TENM4: variants seen among roughly 807,000 people sequenced by gnomAD.
TENM4 encodes teneurin transmembrane protein 4, also known as teneurin-4.
TENM4 carries 82 observed loss-of-function variants against 243.3 expected under a neutral mutation model. The observed-to-expected ratio is 0.34, with a 90% confidence interval of 0.28 to 0.40. TENM4 has a LOEUF of 0.40. Ranked by LOEUF, TENM4 falls within the 10% of genes least tolerant of loss-of-function variation. The pLI is 1.00. For missense variants in TENM4, 3,138 were observed against 3,673.3 expected (o/e 0.85, Z 3.77); for synonymous variants, 1,412 against 1,456.3 (o/e 0.97, Z 0.69).
At chr11:79,346,907 C>A (rs532021909) in intron 1 of TENM4, among the ~76,000 whole-genome samples, 2 of 152,168 alleles carry the variant, frequency 1.3e-5, no homozygotes, top group South Asian at 4.1e-4. Flanking sequence ...GTGATCTCTG[C>A]TTTCTCTTAG....
intron 1 of TENM4, among the ~76,000 whole-genome samples, chr11:79,314,484 T>C (rs1856772617): frequency 6.6e-6 from 1 of 152,134 alleles, no homozygotes; most frequent in Non-Finnish European, 1.5e-5. Flanking sequence ...TCCAACCAGC[T>C]CCAGCACAAC....
chr11:78,779,494 T>A (rs1856800914), intron 16 of TENM4, among the ~76,000 whole-genome samples: 1 of 152,240 alleles, frequency 6.6e-6, no homozygotes, highest in African/African-American at 2.4e-5. Flanking sequence ...AAGGTTGCTC[T>A]GAAATAAACC....
At chr11:79,052,729 C>G (rs746629058) in intron 6 of TENM4, among the ~76,000 whole-genome samples, 1 of 152,200 alleles carries the variant, frequency 6.6e-6, no homozygotes, top group Admixed American at 6.5e-5. Flanking sequence ...GCTGGCCTCT[C>G]AGCCAATGGC....
chr11:79,004,607 A>G (rs1357095451), intron 6 of TENM4, among the ~76,000 whole-genome samples: 1 of 152,230 alleles, frequency 6.6e-6, no homozygotes, highest in Non-Finnish European at 1.5e-5. Flanking sequence ...AGCATTGTTA[A>G]GATGAAAGAC....
chr11:78,879,459 G>A (rs61881989), intron 9 of TENM4, among the ~76,000 whole-genome samples: 189 of 119,456 alleles, frequency 1.6e-3, no homozygotes, highest in South Asian at 7.6e-3. Flanking sequence ...GCCTCTGCCC[G>A]GCCGCCACAC....
intron 9 of TENM4, among the ~76,000 whole-genome samples, chr11:78,868,437 T>C (rs530952347): frequency 3.3e-5 from 5 of 152,302 alleles, no homozygotes; most frequent in African/African-American, 1.2e-4. Flanking sequence ...CACGCTGAAA[T>C]GTTAATGATT....
chr11:78,894,260 G>C (rs1855737736), intron 7 of TENM4, among the ~76,000 whole-genome samples: 1 of 152,152 alleles, frequency 6.6e-6, no homozygotes, highest in South Asian at 2.1e-4. Flanking sequence ...GAGGCTGGCT[G>C]CATGGCATGC....
At position 78,669,632 on chromosome 11, in the gene TENM4, C is replaced by G; in HGVS notation, c.6713G>C (p.Arg2238Pro). 1.2e-6 allele frequency: 2 copies of G among 1,613,918 alleles called. No individual in the cohort carries two copies. The highest frequency in any genetic ancestry group is 1.7e-6 in the Non-Finnish European group (2 of 1,179,888). The stretch of plus-strand genomic sequence containing the variant: ...AGTGATGCGGTCGCGGATGTCATAC[C>G]GTAGTGGTGTGAGCCGTGCACTGTT... ...PGNSARLTPL[R>P]YDIRDRITRL... Residue 2238 changes from arginine (R) to proline (P), a missense_variant, in exon 32 of 34, where the codon CGG becomes CCG. By Grantham distance (103) the Arg-to-Pro change is moderately radical. Coordinates refer to ENST00000278550, the MANE Select transcript of TENM4 (RefSeq NM_001098816.3). This position sits in a 1 kb window ranked among gnomAD's most constrained non-coding sequence, Gnocchi z 6.4.
At chr11:79,417,738 T>G (rs1344076482) in intron 1 of TENM4, among the ~76,000 whole-genome samples, 1 of 152,202 alleles carries the variant, frequency 6.6e-6, no homozygotes, top group African/African-American at 2.4e-5. Context: ...AAGCTCCTTG[T>G]GGCCTTCTTT....
chr11:79,050,172 A>G (rs1256053845), intron 6 of TENM4, among the ~76,000 whole-genome samples: 1 of 152,204 alleles, frequency 6.6e-6, no homozygotes, highest in African/African-American at 2.4e-5. Context: ...ATTGTGAGCT[A>G]TTATGCACTC....
chr11:78,794,243 G>A (rs1203850686), intron 15 of TENM4, among the ~76,000 whole-genome samples: 1 of 152,206 alleles, frequency 6.6e-6, no homozygotes, highest in Non-Finnish European at 1.5e-5. Context: ...CAGCTGAGGT[G>A]CCTTTCAACA....
intron 6 of TENM4, among the ~76,000 whole-genome samples, chr11:79,025,438 C>A (rs1006871733): frequency 1.3e-5 from 2 of 152,194 alleles, no homozygotes; most frequent in Non-Finnish European, 2.9e-5. Context: ...TTTGTAAACA[C>A]TTCTGTAGGA....
At chr11:79,247,335 T>C (rs903796426) in intron 2 of TENM4, among the ~76,000 whole-genome samples, 3 of 149,006 alleles carry the variant, frequency 2.0e-5, no homozygotes, top group Non-Finnish European at 3.0e-5. Flanking sequence ...GAGAATCGCT[T>C]GAATCTGGGA....
chr11:79,160,685 G>A (rs1862725034), intron 3 of TENM4, among the ~76,000 whole-genome samples: 1 of 152,216 alleles, frequency 6.6e-6, no homozygotes, highest in African/African-American at 2.4e-5. Flanking sequence ...GTGAGAATAA[G>A]TTGTCAGCAA....
intron 6 of TENM4, among the ~76,000 whole-genome samples, chr11:78,999,676 A>T (rs1858266228): frequency 6.6e-6 from 1 of 152,166 alleles, no homozygotes; most frequent in Admixed American, 6.5e-5. Flanking sequence ...AAATTACAAG[A>T]CATGCATACA....
rs533987353 is a variant in TENM4, at chr11:79,020,570, T to A, written c.493+44168A>T. 9.2e-5 allele frequency among the ~76,000 whole-genome samples: 14 copies of A among 152,036 alleles called. No homozygotes were observed. In the South Asian group the frequency reaches 2.9e-3, roughly 32 times the overall value. ...TCTAATTCCTCCTTCCCATCCCACC[T>A]CTGAAAGCCTTTAAACCCTGGAATG... On this transcript the variant is annotated intron_variant, in intron 6 of 33. Coordinates refer to ENST00000278550, the MANE Select transcript of TENM4 (RefSeq NM_001098816.3).
chr11:78,897,123 T>C (rs1389583759), intron 7 of TENM4, among the ~76,000 whole-genome samples: 9 of 152,140 alleles, frequency 5.9e-5, no homozygotes, highest in African/African-American at 1.9e-4. Flanking sequence ...GGTGCCGACA[T>C]GAGCACCCCC....
chr11:79,211,152 C>A (rs954610045), intron 3 of TENM4, among the ~76,000 whole-genome samples: 14 of 152,144 alleles, frequency 9.2e-5, no homozygotes, highest in Non-Finnish European at 1.9e-4. Flanking sequence ...GGCAGTTACA[C>A]CAACTTGACC....
chr11:79,200,456 G>A (rs990455049), intron 3 of TENM4, among the ~76,000 whole-genome samples: 16 of 152,066 alleles, frequency 1.1e-4, no homozygotes, highest in South Asian at 2.1e-4. Context: ...TGCTGGAAGG[G>A]ACCTCAGAGA....
Sources: gnomAD v4.1 joint callset for allele counts (sites outside exome capture counted in the v4.1 genomes callset) on GRCh38, gnomAD v4.1.1 for gene constraint, Gnocchi (gnomAD v3.1) non-coding constraint, MANE v1.5 for transcripts, NCBI Gene and HGNC (gene_info 2026-07-23, HGNC 2026-07-21) for gene names.